SCAMP5: variants seen among roughly 807,000 people sequenced by gnomAD.
SCAMP5 encodes secretory carrier membrane protein 5, also known as secretory carrier-associated membrane protein 5.
SCAMP5 carries 7 observed loss-of-function variants against 28.3 expected under a neutral mutation model. The ratio of observed to expected loss-of-function variants is 0.25; its 90% confidence interval spans 0.14 to 0.46. The LOEUF (loss-of-function observed/expected upper bound fraction) is 0.46. SCAMP5 is among the 20% of genes least tolerant of loss of function. The pLI is 0.99. For synonymous variants in SCAMP5, 117 were observed against 116.4 expected, an observed-to-expected ratio of 1.00 and a Z score of -0.03; for missense variants, 192 against 312.5, an observed-to-expected ratio of 0.61 and a Z score of 2.91.
Position 75,018,539 on chromosome 15 carries a change from C to T in SCAMP5, c.513+4C>T, listed in dbSNP as rs752031613. On this transcript the variant is annotated splice_donor_region_variant and intron_variant, in intron 6 of 6. Transcript: ENST00000425597. This position sits in a 1 kb window ranked among gnomAD's most constrained non-coding sequence, Gnocchi z 5.6. ...TTCCTTCATCGCCCTCAGCATGGTA[C>T]GTGGTCCCCTCAAGGGTGAGAAGGT... The T allele has an allele frequency of 1.6e-5, 26 of 1,582,156 alleles. No individual in the cohort carries two copies. The highest frequency in any genetic ancestry group is 5.0e-5 in the Admixed American group (3 of 59,954).
chr15:74,995,729 G>A (rs1035153813), intron 1 of SCAMP5, 56 bp downstream of exon 1: 2 of 152,484 alleles, frequency 1.3e-5, no homozygotes, highest in Non-Finnish European at 2.9e-5. Flanking sequence ...TGGGCGCGGG[G>A]CGAGAGGTGT....
At chr15:74,998,560 C>T (rs2065672993) in intron 1 of SCAMP5, among the ~76,000 whole-genome samples, 4 of 150,232 alleles carry the variant, frequency 2.7e-5, no homozygotes, top group South Asian at 4.2e-4. Flanking sequence ...TAGCTGAGAT[C>T]GTGCCACTGC....
chr15:75,000,793 C>T (rs548087578), intron 1 of SCAMP5, among the ~76,000 whole-genome samples: 18 of 151,552 alleles, frequency 1.2e-4, no homozygotes, highest in Admixed American at 1.1e-3. Context: ...CCAGGATGAC[C>T]TAGCCCCATT....
intron 1 of SCAMP5, among the ~76,000 whole-genome samples, chr15:75,009,229 C>T (rs185256160): frequency 6.6e-6 from 1 of 152,184 alleles, no homozygotes; most frequent in Non-Finnish European, 1.5e-5. Context: ...GTTTCTAATC[C>T]TTTGTTATTC....
intron 1 of SCAMP5, 92 bp from the exon 2 acceptor site, chr15:75,011,700 C>G: frequency 1.6e-6 from 1 of 621,666 alleles, no homozygotes. Context: ...GGGTCCTGTC[C>G]TGGGGAGCTT....
chr15:74,999,699 G>A (rs1398836070), intron 1 of SCAMP5, among the ~76,000 whole-genome samples: 1 of 152,234 alleles, frequency 6.6e-6, no homozygotes, highest in Non-Finnish European at 1.5e-5. Flanking sequence ...CTACTCGGGA[G>A]GCTGAGGCAG....
At position 75,019,149 on chromosome 15, in the gene SCAMP5, C is replaced by T. The variant is rs2141459552; in HGVS notation, c.*166C>T. The T allele has an allele frequency of 2.3e-6, 1 of 425,534 alleles. No homozygotes were observed. The highest frequency in any genetic ancestry group is 3.7e-5 in the East Asian group (1 of 26,706). 26.4% of individuals were successfully genotyped at this position (425,534 alleles called of 1,614,324 possible). On this transcript the variant is annotated 3_prime_UTR_variant, in exon 7 of 7. Coordinates refer to ENST00000425597, the MANE Select transcript of SCAMP5 (RefSeq NM_138967.4). ...TATATATATATGTATATGTCTGTAC[C>T]CCAGCCCCCACCTTTCAGATTCTGC...
At chr15:75,002,431 CCCTACCCCCATAT>C (rs2065718551) in intron 1 of SCAMP5, among the ~76,000 whole-genome samples, 1 of 152,078 alleles carries the variant, frequency 6.6e-6, no homozygotes, top group Non-Finnish European at 1.5e-5. Context: ...TGGGCCCTCT[CCCTACCCCCATAT>C]CCTACCCAGG....
chr15:75,015,030 T>A (rs1164398539), intron 3 of SCAMP5, among the ~76,000 whole-genome samples: 1 of 152,000 alleles, frequency 6.6e-6, no homozygotes, highest in Non-Finnish European at 1.5e-5. Context: ...GGCTTGTAGG[T>A]CACTGTGTCT....
intron 1 of SCAMP5, among the ~76,000 whole-genome samples, chr15:75,007,208 G>A (rs556423267): frequency 4.6e-5 from 7 of 152,234 alleles, no homozygotes; most frequent in Non-Finnish European, 8.8e-5. Context: ...AACACCACAA[G>A]GCTCTTTCTT....
At chr15:75,009,531 C>G (rs2065792462) in intron 1 of SCAMP5, among the ~76,000 whole-genome samples, 1 of 150,472 alleles carries the variant, frequency 6.6e-6, no homozygotes, top group Non-Finnish European at 1.5e-5. Context: ...GGCTGGAGTG[C>G]AGTGGTGCAA....
chr15:75,017,688 G>T, intron 4 of SCAMP5, 182 bp from the exon 5 acceptor site: 1 of 630,126 alleles, frequency 1.6e-6, no homozygotes, highest in Non-Finnish European at 2.9e-6. Context: ...CAACACACAG[G>T]TCTACCACGT....
At chr15:75,009,483 G>GTGTGTGTGTGTT (rs1555411076) in intron 1 of SCAMP5, among the ~76,000 whole-genome samples, 1 of 147,012 alleles carries the variant, frequency 6.8e-6, no homozygotes, top group African/African-American at 2.6e-5. Flanking sequence ...GTGTGTGTGT[G>GTGTGTGTGTGTT]CTTTTTTTCC....
At chr15:75,005,981 C>CTTTTTTTTTTTTTTTTTT (rs527501720) in intron 1 of SCAMP5, among the ~76,000 whole-genome samples, 3 of 81,030 alleles carry the variant, frequency 3.7e-5, no homozygotes, top group African/African-American at 1.6e-4. Context: ...CTCGGCCTCC[C>CTTTTTTTTTTTTTTTTTT]TTTTTTTTTT....
At chr15:75,014,626 G>A (rs991365942) in intron 3 of SCAMP5, among the ~76,000 whole-genome samples, 28 of 152,154 alleles carry the variant, frequency 1.8e-4, no homozygotes, top group African/African-American at 6.0e-4. Context: ...GGTGAGTGTG[G>A]CCAGAAGGCA....
At chr15:75,014,447 C>T (rs900134116) in intron 3 of SCAMP5, among the ~76,000 whole-genome samples, 8 of 152,066 alleles carry the variant, frequency 5.3e-5, no homozygotes, top group Admixed American at 1.3e-4. Flanking sequence ...CCATGTTTGT[C>T]GACGGATAGT....
At chr15:75,004,452 C>T (rs758363574) in intron 1 of SCAMP5, among the ~76,000 whole-genome samples, 4 of 152,052 alleles carry the variant, frequency 2.6e-5, no homozygotes, top group Non-Finnish European at 5.9e-5. Context: ...TTCTACAGGC[C>T]GGCATGGTGG....
intron 2 of SCAMP5, among the ~76,000 whole-genome samples, chr15:75,012,111 G>A (rs2065816995): frequency 6.6e-6 from 1 of 152,200 alleles, no homozygotes; most frequent in Non-Finnish European, 1.5e-5. Context: ...TGCCTGATTA[G>A]CTGCATGAGT....
At chr15:75,002,222 C>G (rs2065716334) in intron 1 of SCAMP5, among the ~76,000 whole-genome samples, 2 of 151,890 alleles carry the variant, frequency 1.3e-5, no homozygotes, top group African/African-American at 4.8e-5. Context: ...CTGCCTGCAT[C>G]TGCTTGGATC....
Sources: allele counts gnomAD v4.1 joint callset (sites outside exome capture counted in the v4.1 genomes callset), GRCh38; gene constraint gnomAD v4.1.1; non-coding constraint Gnocchi (gnomAD v3.1); transcripts MANE v1.5; gene names NCBI Gene and HGNC (gene_info 2026-07-23, HGNC 2026-07-21).